The following IL19 variants were observed in gnomAD, a reference collection of about 807,000 sequenced individuals.
The protein encoded by IL19 is interleukin 19.
IL19 carries 15 observed loss-of-function variants against 19.5 expected under a neutral mutation model. The observed-to-expected ratio is 0.77, with a 90% confidence interval of 0.52 to 1.19. The LOEUF is 1.19. IL19 is among the 50% of genes most tolerant of loss of function. IL19 has a pLI of 0.00. For synonymous variants in IL19, 78 were observed against 78.3 expected, an observed-to-expected ratio of 1.00 and a Z score of 0.02; for missense variants, 199 against 213.1, an observed-to-expected ratio of 0.93 and a Z score of 0.41.
chr1:206,796,510 A>G (rs140249435), intron 1 of IL19, among the ~76,000 whole-genome samples: 50 of 152,364 alleles, frequency 3.3e-4, no homozygotes, highest in Admixed American at 1.0e-3. Flanking sequence ...TACACCAAGT[A>G]ATGGTGTCTG....
At chr1:206,801,876 C>T (rs12040948) in intron 2 of IL19, among the ~76,000 whole-genome samples, 52,237 of 152,074 alleles carry the variant, frequency 0.34, 9,975 homozygotes, top group East Asian at 0.68. Flanking sequence ...AGGGTGATTA[C>T]CTGGGTATCT....
intron 2 of IL19, among the ~76,000 whole-genome samples, chr1:206,822,637 A>G (rs148055645): frequency 8.1e-4 from 124 of 152,306 alleles, no homozygotes; most frequent in African/African-American, 2.9e-3. Context: ...AAATAAATTA[A>G]TATATTGAAA....
chr1:206,781,910 T>TGTAAAC (rs1675145921), intron 1 of IL19, among the ~76,000 whole-genome samples: 2 of 116,648 alleles, frequency 1.7e-5, no homozygotes, highest in Non-Finnish European at 3.6e-5. Context: ...TATACATATA[T>TGTAAAC]ATGTATATAG....
chr1:206,830,387 A>G (rs74148867), intron 2 of IL19, among the ~76,000 whole-genome samples: 7,834 of 151,796 alleles, frequency 0.052, 581 homozygotes, highest in African/African-American at 0.16. Flanking sequence ...CAAAGGAGAA[A>G]CTTCTTTAGG....
intron 1 of IL19, chr1:206,772,232 C>A (rs772598790): frequency 6.3e-7 from 1 of 1,588,964 alleles, no homozygotes; most frequent in Non-Finnish European, 8.6e-7. Flanking sequence ...TTCAGGCAGT[C>A]CCAGGAAGAG....
chr1:206,778,577 G>A (rs143081333), intron 1 of IL19, among the ~76,000 whole-genome samples: 327 of 152,196 alleles, frequency 2.1e-3, no homozygotes, highest in Non-Finnish European at 3.4e-3. Context: ...GTCACACAGG[G>A]TCCCATGACT....
intron 2 of IL19, among the ~76,000 whole-genome samples, chr1:206,809,744 C>T (rs976046201): frequency 5.3e-5 from 8 of 152,168 alleles, no homozygotes; most frequent in African/African-American, 1.9e-4. Context: ...AATATAGTAG[C>T]TGGGAGGTGG....
At chr1:206,789,597 G>A (rs1190169709) in intron 1 of IL19, among the ~76,000 whole-genome samples, 3 of 151,708 alleles carry the variant, frequency 2.0e-5, no homozygotes, top group South Asian at 2.1e-4. Context: ...AGTTTTTTTC[G>A]ACTTTTAAGC....
In IL19 at chr1:206,793,910, A is replaced by T. The variant is rs183268974; in HGVS notation, c.-148-4951A>T. On this transcript the variant is annotated intron_variant, in intron 1 of 6. Coordinates refer to ENST00000659997, the MANE Select transcript of IL19 (RefSeq NM_153758.5). Reference sequence around the variant, plus strand: ...AGAAAGAGGGGCTGAGTAGCAGGGGAAGGAGAGTGGGGACAGGGAGGTGTG... The same window carrying T: ...AGAAAGAGGGGCTGAGTAGCAGGGGTAGGAGAGTGGGGACAGGGAGGTGTG... 1.8e-4 allele frequency among the ~76,000 whole-genome samples: 28 copies of T among 152,114 alleles called. 1 individual carries two copies. The South Asian group carries it at 5.0e-3, about 27-fold the overall frequency.
chr1:206,809,504 T>C (rs1675945252), intron 2 of IL19, among the ~76,000 whole-genome samples: 1 of 152,194 alleles, frequency 6.6e-6, no homozygotes, highest in South Asian at 2.1e-4. Context: ...CAGCCCACAG[T>C]TCTGGTAGGG....
intron 2 of IL19, among the ~76,000 whole-genome samples, chr1:206,826,908 A>G (rs1429604281): frequency 6.6e-6 from 1 of 152,178 alleles, no homozygotes; most frequent in African/African-American, 2.4e-5. Flanking sequence ...AGAGCACTGG[A>G]CTGAGAGTTC....
At chr1:206,837,121 T>C in intron 4 of IL19, 98 bp downstream of exon 4, 1 of 949,762 alleles carries the variant, frequency 1.1e-6, no homozygotes, top group East Asian at 2.4e-5. Flanking sequence ...TTCTCTTTCC[T>C]AATCTCCAAT....
intron 1 of IL19, among the ~76,000 whole-genome samples, chr1:206,789,064 C>A (rs945703902): frequency 6.6e-6 from 1 of 152,126 alleles, no homozygotes; most frequent in African/African-American, 2.4e-5. Flanking sequence ...GCTAGAGTGA[C>A]CTTTTCCTTT....
chr1:206,787,905 G>T (rs1675303816), intron 1 of IL19, among the ~76,000 whole-genome samples: 1 of 152,048 alleles, frequency 6.6e-6, no homozygotes, highest in Admixed American at 6.6e-5. Context: ...CCTTTCCACT[G>T]CACCATGTGG....
chr1:206,836,521 C>A (rs927188455), intron 2 of IL19, 140 bp from the exon 3 acceptor site: 1 of 755,054 alleles, frequency 1.3e-6, no homozygotes, highest in South Asian at 1.9e-5. Context: ...TGTAACTCCT[C>A]AAGGCTGAAG....
chr1:206,822,675 C>T (rs1676317020), intron 2 of IL19, among the ~76,000 whole-genome samples: 1 of 152,176 alleles, frequency 6.6e-6, no homozygotes, highest in Non-Finnish European at 1.5e-5. Context: ...CAGGTCTTGA[C>T]TGGTAAGAGT....
intron 2 of IL19, among the ~76,000 whole-genome samples, chr1:206,799,947 C>T (rs1056284377): frequency 1.6e-4 from 24 of 152,180 alleles, no homozygotes; most frequent in African/African-American, 5.3e-4. Flanking sequence ...ATCTCATCCC[C>T]TCTCCCACTT....
At chr1:206,841,501 T>C (rs1677017516) in intron 6 of IL19, among the ~76,000 whole-genome samples, 1 of 152,242 alleles carries the variant, frequency 6.6e-6, no homozygotes, top group Non-Finnish European at 1.5e-5. Flanking sequence ...CTCATGTTGA[T>C]GTTGGTGTAA....
Position 206,770,812 on chromosome 1 carries a change from C to G in IL19, c.-415C>G. On this transcript the variant is annotated 5_prime_UTR_variant, in exon 1 of 7. Coordinates refer to ENST00000659997, the MANE Select transcript of IL19 (RefSeq NM_153758.5). ...TACAGCTAGCTCTGCCAGTCTGTGTCTTTGCTGTGTCTGTGGATGTGAGTG... is the reference window on the plus strand; with the variant it reads ...TACAGCTAGCTCTGCCAGTCTGTGTGTTTGCTGTGTCTGTGGATGTGAGTG... 4 of 1,207,736 alleles carry G rather than the reference C, an allele frequency of 3.3e-6. No homozygotes were observed. Among genetic ancestry groups the G allele is most frequent in the Admixed American group, 3.4e-5 (2 of 59,452 alleles). 74.8% of individuals were successfully genotyped at this position (1,207,736 alleles called of 1,614,324 possible). A position where few individuals can be genotyped will look rare whatever the true frequency, so the allele number is the denominator to read the frequency against.
Sources: gnomAD v4.1 joint callset for allele counts (sites outside exome capture counted in the v4.1 genomes callset) on GRCh38, gnomAD v4.1.1 for gene constraint, MANE v1.5 for transcripts, NCBI Gene and HGNC (gene_info 2026-07-23, HGNC 2026-07-21) for gene names.